The following DCP1A variants were observed in gnomAD, a reference collection of about 807,000 sequenced individuals.
DCP1A encodes decapping mRNA 1A.
In DCP1A, 20 loss-of-function variants were observed where a neutral mutation model predicts 58.0. The ratio of observed to expected loss-of-function variants is 0.34; its 90% CI spans 0.24 to 0.50. The LOEUF (loss-of-function observed/expected upper bound fraction) is 0.50. Among genes scored for constraint, DCP1A ranks in the 20% least tolerant of loss-of-function variants. DCP1A has a pLI of 0.98. For synonymous variants in DCP1A, 285 were observed against 275.1 expected (o/e 1.04, Z -0.36); for missense variants, 613 against 712.2 (o/e 0.86, Z 1.59).
chr3:53,319,608 GA>G (rs1707904783), intron 3 of DCP1A, 135 bp from the exon 4 acceptor site: 1 of 545,022 alleles, frequency 1.8e-6, no homozygotes, highest in Non-Finnish European at 3.3e-6. Flanking sequence ...TCTATCTAAA[GA>G]AAACAAGTAT....
intron 7 of DCP1A, 132 bp from the exon 8 acceptor site, chr3:53,290,988 T>A (rs1281567668): frequency 3.9e-6 from 3 of 777,472 alleles, no homozygotes; most frequent in Non-Finnish European, 6.4e-6. Context: ...AGATATTAAC[T>A]AGTTCCTAGA....
At chr3:53,334,155 T>C (rs2106882307) in intron 3 of DCP1A, among the ~76,000 whole-genome samples, 1 of 152,168 alleles carries the variant, frequency 6.6e-6, no homozygotes, top group East Asian at 1.9e-4. Flanking sequence ...TCCCAGCTAC[T>C]TGGGAGGCTG....
intron 6 of DCP1A, among the ~76,000 whole-genome samples, chr3:53,297,484 C>T (rs1707169735): frequency 6.6e-6 from 1 of 151,954 alleles, no homozygotes; most frequent in South Asian, 2.1e-4. Flanking sequence ...CCTCAACGTC[C>T]CAAGTAGCTG....
intron 6 of DCP1A, among the ~76,000 whole-genome samples, chr3:53,294,146 T>C (rs1707033362): frequency 6.6e-6 from 1 of 152,166 alleles, no homozygotes; most frequent in Non-Finnish European, 1.5e-5. Context: ...TGAGACACGT[T>C]AGAGGATCTG....
chr3:53,292,142 G>A lies in DCP1A; in HGVS notation c.1310C>T (p.Pro437Leu), dbSNP rs1553686082. ...QLATPESFIE[P>L]PSKTAAARVA... ...TCTTGCTGCTGCTGTCTTAGAGGGA[G>A]GCTCTATGAAGCTCTCAGGTGTGGC... Residue 437 changes from proline (P) to leucine (L), a missense_variant, in exon 7 of 10, where the codon CCT (proline) becomes CTT (leucine). By Grantham distance (98) the Pro-to-Leu change is moderately conservative. This residue lies in a region of DCP1A where 498 missense variants were observed against 556.7 expected (regional missense o/e 0.89). Transcript: ENST00000610213. The A allele has an allele frequency of 6.2e-7, 1 of 1,613,896 alleles. No homozygotes were observed. Among genetic ancestry groups the A allele is most frequent in the Admixed American group, 1.7e-5 (1 of 60,014 alleles).
intron 7 of DCP1A, among the ~76,000 whole-genome samples, chr3:53,291,233 G>C (rs994796314): frequency 4.5e-5 from 5 of 111,804 alleles, no homozygotes; most frequent in Admixed American, 8.3e-5. Context: ...GTATTTATGA[G>C]GTATATGAAA....
At chr3:53,333,141 T>C (rs1340838859) in intron 3 of DCP1A, 1 of 151,452 alleles carries the variant, frequency 6.6e-6, no homozygotes, top group Non-Finnish European at 1.5e-5. Context: ...AGCAGGGTTT[T>C]GGTTTTTTTT....
intron 6 of DCP1A, among the ~76,000 whole-genome samples, chr3:53,297,854 C>T (rs1335892826): frequency 6.6e-6 from 1 of 152,162 alleles, no homozygotes; most frequent in Non-Finnish European, 1.5e-5. Flanking sequence ...TCACAAAATA[C>T]ACCTGAGGCA....
intron 3 of DCP1A, among the ~76,000 whole-genome samples, chr3:53,322,981 C>T (rs782479034): frequency 6.6e-6 from 1 of 152,070 alleles, no homozygotes; most frequent in Non-Finnish European, 1.5e-5. Context: ...CCCGTCACCA[C>T]ACCCGGCTAA....
At chr3:53,297,172 A>G (rs1707154638) in intron 6 of DCP1A, among the ~76,000 whole-genome samples, 1 of 152,162 alleles carries the variant, frequency 6.6e-6, no homozygotes, top group Admixed American at 6.5e-5. Flanking sequence ...GTCCCTAATG[A>G]CTAATGATGT....
intron 5 of DCP1A, among the ~76,000 whole-genome samples, chr3:53,310,693 G>A (rs1409220450): frequency 1.3e-5 from 2 of 152,178 alleles, no homozygotes; most frequent in Admixed American, 6.5e-5. Context: ...TAATTTATTA[G>A]AGAGGTGACT....
chr3:53,346,230 T>C (rs183073843), intron 1 of DCP1A, among the ~76,000 whole-genome samples: 25 of 152,326 alleles, frequency 1.6e-4, no homozygotes, highest in Non-Finnish European at 2.8e-4. Flanking sequence ...CAATCTACAA[T>C]TTTATTCCTT....
At chr3:53,335,130 T>TA (rs1358768909) in intron 3 of DCP1A, among the ~76,000 whole-genome samples, 27 of 147,294 alleles carry the variant, frequency 1.8e-4, no homozygotes, top group South Asian at 1.5e-3. Flanking sequence ...TATATATATA[T>TA]TTTTTTTATT....
intron 3 of DCP1A, among the ~76,000 whole-genome samples, chr3:53,324,370 C>A (rs1436947023): frequency 1.3e-5 from 2 of 152,198 alleles, no homozygotes; most frequent in Admixed American, 6.5e-5. Flanking sequence ...TGCCACGGAG[C>A]CTGTCACTGT....
intron 2 of DCP1A, 45 bp downstream of exon 2, chr3:53,344,857 A>G: frequency 7.2e-7 from 1 of 1,398,556 alleles, no homozygotes; most frequent in East Asian, 2.3e-5. Context: ...CACATTGTTC[A>G]CCACTAGACT....
intron 6 of DCP1A, 23 bp downstream of exon 6, chr3:53,304,154 G>C: frequency 6.5e-7 from 1 of 1,546,816 alleles, no homozygotes; most frequent in South Asian, 1.1e-5. Context: ...TTAGGACAAA[G>C]CTAGAGCTTT....
At chr3:53,330,857 ATTTTTTTTTT>A (rs35396974) in intron 3 of DCP1A, among the ~76,000 whole-genome samples, 1 of 93,568 alleles carries the variant, frequency 1.1e-5, no homozygotes, top group African/African-American at 3.9e-5. Flanking sequence ...AGTATATGTA[ATTTTTTTTTT>A]TTTTTTTTTG....
intron 5 of DCP1A, 76 bp downstream of exon 5, chr3:53,312,165 A>G: frequency 6.8e-7 from 1 of 1,462,872 alleles, no homozygotes; most frequent in Non-Finnish European, 9.1e-7. Context: ...CTTCCCTAGT[A>G]AAATAGTCTC....
At chr3:53,326,980 C>T (rs1013300590) in intron 3 of DCP1A, among the ~76,000 whole-genome samples, 2 of 149,780 alleles carry the variant, frequency 1.3e-5, no homozygotes, top group Non-Finnish European at 3.0e-5. Context: ...TGTCCAACCC[C>T]CCCCCCCCAA....
Sources: gnomAD v4.1 joint callset for allele counts (sites outside exome capture counted in the v4.1 genomes callset) on GRCh38, gnomAD v4.1.1 for gene constraint, gnomAD v4.1.1 regional missense constraint, MANE v1.5 for transcripts, NCBI Gene and HGNC (gene_info 2026-07-23, HGNC 2026-07-21) for gene names.